ALK: variants seen among roughly 807,000 people sequenced by gnomAD.
The protein encoded by ALK is ALK receptor tyrosine kinase, also known as ALK tyrosine kinase receptor.
ALK carries 74 observed loss-of-function variants against 163.1 expected under a neutral mutation model. The observed-to-expected ratio is 0.45, with a 90% CI of 0.38 to 0.55. The LOEUF (loss-of-function observed/expected upper bound fraction) is 0.55, where lower values mean the gene tolerates loss of function less well. Among genes scored for constraint, ALK ranks in the 20% least tolerant of loss-of-function variants. The probability of loss-of-function intolerance (pLI) is 0.00; values close to 1 mark genes in which losing one functional copy is unlikely to be tolerated. For synonymous variants in ALK, 960 were observed against 843.2 expected (o/e 1.14, Z -2.40); for missense variants, 2,063 against 2,105.3 (o/e 0.98, Z 0.39).
At chr2:29,631,414 C>G (rs1676371023) in intron 3 of ALK, among the ~76,000 whole-genome samples, 1 of 152,196 alleles carries the variant, frequency 6.6e-6, no homozygotes, top group African/African-American at 2.4e-5. Flanking sequence ...TCTGGCTCTA[C>G]TAATATTTGT....
chr2:29,425,645 A>G (rs1212558425), intron 4 of ALK, among the ~76,000 whole-genome samples: 1 of 152,158 alleles, frequency 6.6e-6, no homozygotes, highest in Non-Finnish European at 1.5e-5. Context: ...GTGTCACTCT[A>G]AGAAAAGTGG....
intron 3 of ALK, among the ~76,000 whole-genome samples, chr2:29,676,555 T>G (rs78359133): frequency 0.014 from 2,103 of 152,154 alleles, 44 homozygotes; most frequent in African/African-American, 0.048. Context: ...CTGTCTTCAT[T>G]ACTTTGGCTT....
chr2:29,687,936 A>C (rs1573556521), intron 3 of ALK, among the ~76,000 whole-genome samples: 1 of 152,336 alleles, frequency 6.6e-6, no homozygotes, highest in East Asian at 1.9e-4. Flanking sequence ...CATAAACAGC[A>C]CCAAGATAGT....
At chr2:29,662,788 A>G (rs564555315) in intron 3 of ALK, among the ~76,000 whole-genome samples, 77 of 152,270 alleles carry the variant, frequency 5.1e-4, no homozygotes, top group Admixed American at 8.5e-4. Flanking sequence ...CCAAATAAAG[A>G]CAGCTTCCTC....
intron 4 of ALK, among the ~76,000 whole-genome samples, chr2:29,527,130 G>A (rs764558272): frequency 6.6e-6 from 1 of 152,202 alleles, no homozygotes; most frequent in Non-Finnish European, 1.5e-5. Flanking sequence ...AAGAAGCTAC[G>A]GCTGGGCAAT....
intron 5 of ALK, among the ~76,000 whole-genome samples, chr2:29,355,470 C>G (rs528905913): frequency 6.6e-6 from 1 of 152,134 alleles, no homozygotes; most frequent in South Asian, 2.1e-4. Context: ...ACACACACCA[C>G]ATACACACCC....
intron 1 of ALK, among the ~76,000 whole-genome samples, chr2:29,858,413 T>C (rs868855905): frequency 5.3e-5 from 8 of 151,988 alleles, no homozygotes; most frequent in African/African-American, 9.7e-5. Context: ...CAGCATCTCC[T>C]ATGCTCTGAC....
intron 3 of ALK, among the ~76,000 whole-genome samples, chr2:29,654,323 C>A (rs893666690): frequency 6.6e-6 from 1 of 152,160 alleles, no homozygotes; most frequent in Non-Finnish European, 1.5e-5. Context: ...CTTTACCACA[C>A]CATCTTGGAG....
chr2:29,850,690 A>G (rs898680157), intron 1 of ALK, among the ~76,000 whole-genome samples: 1 of 152,180 alleles, frequency 6.6e-6, no homozygotes, highest in African/African-American at 2.4e-5. Flanking sequence ...TCCTCTCCCT[A>G]GACTTGGTTG....
chr2:29,705,235 AAAGAAATAT>A (rs1316600655), intron 2 of ALK, among the ~76,000 whole-genome samples: 1 of 114,146 alleles, frequency 8.8e-6, no homozygotes, highest in African/African-American at 3.1e-5. Flanking sequence ...AAAGAAAAGA[AAAGAAATAT>A]ATATATATAT....
At chr2:29,770,236 G>A (rs1300661432) in intron 1 of ALK, among the ~76,000 whole-genome samples, 1 of 152,222 alleles carries the variant, frequency 6.6e-6, no homozygotes, top group Non-Finnish European at 1.5e-5. Flanking sequence ...TTCCCCATTG[G>A]ATTGCCAGAA....
At chr2:29,594,617 C>T (rs1054957743) in intron 3 of ALK, among the ~76,000 whole-genome samples, 3 of 151,650 alleles carry the variant, frequency 2.0e-5, no homozygotes, top group Non-Finnish European at 2.9e-5. Flanking sequence ...TTAGTAGACA[C>T]GGGGTTTCAC....
At position 29,223,509 on chromosome 2, in the gene ALK, C is replaced by T. The variant is rs868053991; in HGVS notation, c.3192G>A (p.Gln1064=). ...GIMIVYRRKH[Q]ELQAMQMELQ... is the part of the protein sequence containing the mutation. ...GCTCCATCTGCATGGCTTGCAGCTCCTGGTGCTTCCGGCGGTACACTGCAG... is the reference window on the plus strand; with the variant it reads ...GCTCCATCTGCATGGCTTGCAGCTCTTGGTGCTTCCGGCGGTACACTGCAG... Residue 1064 remains glutamine (Q), a synonymous_variant, in exon 20 of 29, where the codon CAG becomes CAA. Coordinates refer to ENST00000389048, the MANE Select transcript of ALK (RefSeq NM_004304.5). 25 of 1,613,988 alleles carry T rather than the reference C, an allele frequency of 1.5e-5. No homozygotes were observed. In the Middle Eastern group the frequency reaches 2.5e-3, roughly 160 times the overall value.
chr2:29,298,332 T>G (rs1460940260), intron 8 of ALK, among the ~76,000 whole-genome samples: 1 of 152,194 alleles, frequency 6.6e-6, no homozygotes, highest in Non-Finnish European at 1.5e-5. Flanking sequence ...TCTGTTAATT[T>G]TTTTTTCTGG....
At chr2:29,723,519 A>G (rs1208568151) in intron 1 of ALK, among the ~76,000 whole-genome samples, 1 of 152,188 alleles carries the variant, frequency 6.6e-6, no homozygotes, top group Non-Finnish European at 1.5e-5. Context: ...CTATGTCTCC[A>G]TGCCTGGCAC....
chr2:29,620,239 G>C (rs1173453088), intron 3 of ALK, among the ~76,000 whole-genome samples: 1 of 152,124 alleles, frequency 6.6e-6, no homozygotes, highest in Non-Finnish European at 1.5e-5. Context: ...CAAGGTGGTG[G>C]TTCCTTCAGA....
At chr2:29,462,718 G>A (rs1671116032) in intron 4 of ALK, among the ~76,000 whole-genome samples, 1 of 152,126 alleles carries the variant, frequency 6.6e-6, no homozygotes, top group Non-Finnish European at 1.5e-5. Flanking sequence ...AATGAGGTAT[G>A]CCTGTACCAT....
chr2:29,676,179 A>C (rs1007297949), intron 3 of ALK, among the ~76,000 whole-genome samples: 6 of 152,046 alleles, frequency 3.9e-5, no homozygotes, highest in African/African-American at 1.4e-4. Flanking sequence ...GGTGTCTTTT[A>C]GAACACAAAA....
chr2:29,576,240 T>C (rs756765843), intron 3 of ALK, among the ~76,000 whole-genome samples: 5 of 152,136 alleles, frequency 3.3e-5, no homozygotes, highest in Admixed American at 1.3e-4. Flanking sequence ...CATTAAGAAA[T>C]AGTCTGGCTT....
Sources: allele counts gnomAD v4.1 joint callset (sites outside exome capture counted in the v4.1 genomes callset), GRCh38; gene constraint gnomAD v4.1.1; transcripts MANE v1.5; gene names NCBI Gene and HGNC (gene_info 2026-07-23, HGNC 2026-07-21).